The following LRCH2 variants were observed in gnomAD, a reference collection of about 807,000 sequenced individuals.
LRCH2 encodes the protein leucine-rich repeat and calponin homology domain-containing protein 2.
In LRCH2, 38 loss-of-function variants were observed where a neutral mutation model predicts 68.9. That is an observed-to-expected ratio of 0.55 (90% CI 0.43 to 0.72). The LOEUF is 0.72. LRCH2 is among the 30% of genes least tolerant of loss of function. The pLI is 0.00. For synonymous variants in LRCH2, 191 were observed against 208.1 expected (o/e 0.92, Z 0.71); for missense variants, 528 against 572.9 (o/e 0.92, Z 0.80).
chrX:115,221,722 GTTTA>G (rs782346231), intron 1 of LRCH2, among the ~76,000 whole-genome samples: 1 of 111,913 alleles, frequency 8.9e-6, no homozygotes, highest in East Asian at 2.8e-4. Context: ...CTGAAGTGGT[GTTTA>G]TTTGTCAGAA....
intron 2 of LRCH2, among the ~76,000 whole-genome samples, chrX:115,187,851 A>G (rs782584576): frequency 4.9e-4 from 55 of 112,900 alleles, no homozygotes; most frequent in South Asian, 1.8e-3. Flanking sequence ...TAAAATCTGT[A>G]TCGTGGTGCT....
intron 6 of LRCH2, among the ~76,000 whole-genome samples, chrX:115,167,505 C>G (rs2072573310): frequency 1.8e-5 from 2 of 109,535 alleles, no homozygotes; most frequent in African/African-American, 6.6e-5. Context: ...AAGAATGTGG[C>G]ATTTGAGCTT....
In LRCH2 at chrX:115,223,454, T is replaced by TTA. The variant is rs199521990; in HGVS notation, c.349+10238_349+10239insTA. Among the ~76,000 whole-genome samples the TTA allele has an allele frequency of 1.1e-4, 12 of 106,984 alleles. No individual in the cohort carries two copies. In the East Asian group the frequency reaches 2.4e-3, roughly 21 times the overall value. The allele number at this position is 106,984 out of a possible 115,157, so 92.9% of individuals were successfully genotyped here. ...AAACTTGAATATAGAATTTTTTTTT[T>TTA]AAAAAAACCTCTTACAACTCAGTAA... is the stretch of plus-strand genomic sequence containing the variant. On this transcript the variant is annotated intron_variant, in intron 1 of 20. Coordinates refer to ENST00000317135, the MANE Select transcript of LRCH2 (RefSeq NM_020871.4).
intron 14 of LRCH2, 56 bp from the exon 15 acceptor site, chrX:115,130,255 C>A: frequency 1.6e-6 from 1 of 619,118 alleles, no homozygotes; most frequent in East Asian, 3.9e-5. Flanking sequence ...AAATTCTCTA[C>A]TAGTAAATTA....
At chrX:115,231,570 G>A (rs1017629395) in intron 1 of LRCH2, among the ~76,000 whole-genome samples, 8 of 111,785 alleles carry the variant, frequency 7.2e-5, no homozygotes, top group African/African-American at 9.7e-5. Flanking sequence ...GTTCCCACAA[G>A]AAATGCTCAT....
chrX:115,139,668 A>C (rs1556533435), intron 14 of LRCH2, among the ~76,000 whole-genome samples: 1 of 110,792 alleles, frequency 9.0e-6, no homozygotes, highest in African/African-American at 3.3e-5. Context: ...GTGCAGGGAG[A>C]GAAAGCCTGT....
rs190653662 is a variant in LRCH2 at position 115,195,088 on chromosome X, G to A, written c.350-6718C>T. ...TCACAAGGTCAGGAGTTCAAGACCAGCCTGAAGAATATGGTGAAACCCCGT... is the reference window on the plus strand; with the variant it reads ...TCACAAGGTCAGGAGTTCAAGACCAACCTGAAGAATATGGTGAAACCCCGT... On this transcript the variant is annotated intron_variant, in intron 1 of 20. Coordinates refer to ENST00000317135, the MANE Select transcript of LRCH2 (RefSeq NM_020871.4). 6.7e-3 allele frequency among the ~76,000 whole-genome samples: 742 copies of A among 110,874 alleles called. 4 individuals carry two copies. The highest frequency in any genetic ancestry group is 9.4e-3 in the Non-Finnish European group (498 of 52,995).
intron 14 of LRCH2, among the ~76,000 whole-genome samples, chrX:115,133,820 C>G (rs1281112159): frequency 1.8e-5 from 2 of 111,438 alleles, no homozygotes; most frequent in Non-Finnish European, 3.8e-5. Flanking sequence ...TGTAATTAGG[C>G]CAACTAATAA....
At chrX:115,215,877 A>T (rs2073038917) in intron 1 of LRCH2, among the ~76,000 whole-genome samples, 1 of 110,901 alleles carries the variant, frequency 9.0e-6, no homozygotes, top group African/African-American at 3.3e-5. Flanking sequence ...TCCATACATC[A>T]TTGGTGGGAA....
intron 1 of LRCH2, among the ~76,000 whole-genome samples, chrX:115,203,778 C>G (rs190115147): frequency 2.6e-3 from 287 of 112,454 alleles, no homozygotes; most frequent in African/African-American, 8.4e-3. Context: ...TAGCCCCCGT[C>G]GCTGGTTTCA....
At chrX:115,187,214 C>G (rs1474036311) in intron 2 of LRCH2, among the ~76,000 whole-genome samples, 1 of 111,677 alleles carries the variant, frequency 9.0e-6, no homozygotes, top group Admixed American at 9.5e-5. Context: ...TACAAAAGAA[C>G]TGATATATCA....
chrX:115,135,149 G>T (rs368000727), intron 14 of LRCH2, among the ~76,000 whole-genome samples: 3 of 99,910 alleles, frequency 3.0e-5, no homozygotes, highest in African/African-American at 1.1e-4. Flanking sequence ...TTGAGACAGG[G>T]TCTCACTTTG....
At chrX:115,145,248 G>C (rs1569513107) in intron 14 of LRCH2, among the ~76,000 whole-genome samples, 1 of 111,660 alleles carries the variant, frequency 9.0e-6, no homozygotes, top group Admixed American at 9.6e-5. Context: ...TCCGTATGCA[G>C]AAGAATGAAA....
chrX:115,191,168 A>G (rs2072808939), intron 1 of LRCH2: 10 of 1,165,846 alleles, frequency 8.6e-6, no homozygotes, highest in Non-Finnish European at 1.0e-5. Flanking sequence ...AGTGGGGGCC[A>G]CGACAGTTCC....
intron 12 of LRCH2, among the ~76,000 whole-genome samples, chrX:115,152,611 A>T (rs1257931092): frequency 1.8e-5 from 2 of 111,884 alleles, no homozygotes; most frequent in Admixed American, 1.9e-4. Flanking sequence ...TTAAAGAATG[A>T]ATAGAACATC....
intron 1 of LRCH2, among the ~76,000 whole-genome samples, chrX:115,222,026 T>G (rs2073088962): frequency 9.0e-6 from 1 of 110,619 alleles, no homozygotes; most frequent in Non-Finnish European, 1.9e-5. Flanking sequence ...TAGGCTGGAA[T>G]GTAGAGGTCC....
intron 10 of LRCH2, among the ~76,000 whole-genome samples, chrX:115,164,288 A>G (rs1406559742): frequency 8.9e-6 from 1 of 111,965 alleles, no homozygotes; most frequent in Non-Finnish European, 1.9e-5. Flanking sequence ...GCGTGAAAAT[A>G]CTAATATGTC....
intron 16 of LRCH2, among the ~76,000 whole-genome samples, chrX:115,125,291 T>C (rs782152228): frequency 1.9e-5 from 2 of 103,547 alleles, no homozygotes; most frequent in African/African-American, 3.5e-5. Context: ...CCTGTAGTCC[T>C]ACCTACTCGG....
At chrX:115,215,651 C>T (rs959042171) in intron 1 of LRCH2, among the ~76,000 whole-genome samples, 1 of 107,879 alleles carries the variant, frequency 9.3e-6, no homozygotes, top group African/African-American at 3.4e-5. Context: ...GTCCCAGCTA[C>T]CCAGGAGGCT....
Sources: gnomAD v4.1 joint callset for allele counts (sites outside exome capture counted in the v4.1 genomes callset) on GRCh38, gnomAD v4.1.1 for gene constraint, MANE v1.5 for transcripts, NCBI Gene and HGNC (gene_info 2026-07-23, HGNC 2026-07-21) for gene names.